The following NCOR1 variants were observed in gnomAD, a reference collection of about 807,000 sequenced individuals.
NCOR1 encodes protein phosphatase 1, regulatory subunit 109.
Under a neutral mutation model 288.1 loss-of-function variants are expected in NCOR1, and 63 were observed. The ratio of observed to expected loss-of-function variants is 0.22; its 90% CI spans 0.18 to 0.27. The LOEUF is 0.27. Among genes scored for constraint, NCOR1 ranks in the 10% least tolerant of loss-of-function variants. The pLI, the probability that NCOR1 is intolerant of heterozygous loss-of-function variation, is 1.00. For synonymous variants in NCOR1, 1,007 were observed against 1,065.9 expected (o/e 0.94, Z 1.08); for missense variants, 2,397 against 3,019.2 (o/e 0.79, Z 4.83).
intron 3 of NCOR1, among the ~76,000 whole-genome samples, chr17:16,173,123 T>C (rs2083429624): frequency 6.6e-6 from 1 of 152,098 alleles, no homozygotes; most frequent in Non-Finnish European, 1.5e-5. Context: ...GGTCTTGCTA[T>C]ATTGCCTAGG....
rs149006133 is a variant in NCOR1, at chr17:16,120,726, C to T, written c.1852+326G>A. ...CAGGGAAGAGGGCAGACAACCTAAT[C>T]ATTCAGCAATAAGAGAATGGTTAAA... On this transcript the variant is annotated intron_variant, in intron 16 of 45. Coordinates refer to ENST00000268712, the MANE Select transcript of NCOR1 (RefSeq NM_006311.4). Among the ~76,000 whole-genome samples, 1,029 of 152,132 alleles carry T rather than the reference C, an allele frequency of 6.8e-3. 5 individuals carry two copies. Among genetic ancestry groups the T allele is most frequent in the Non-Finnish European group, 0.01 (702 of 67,986 alleles).
intron 14 of NCOR1, among the ~76,000 whole-genome samples, chr17:16,132,917 C>CCTT (rs903038463): frequency 6.7e-6 from 1 of 150,230 alleles, no homozygotes; most frequent in Admixed American, 6.7e-5. Flanking sequence ...TCCCTCCCTT[C>CCTT]CTTCTTCTTC....
rs1555813813 is a variant in NCOR1, at chr17:16,199,216, A to ACACAC, written c.-70-4578_-70-4577insGTGTG. On this transcript the variant is annotated intron_variant, in intron 1 of 45. Coordinates refer to ENST00000268712, the MANE Select transcript of NCOR1 (RefSeq NM_006311.4). ...CCCAATACAGAAGGAAAAAAAAAAA[A>ACACAC]ACACACACACACACACACACACACA... Among the ~76,000 whole-genome samples the ACACAC allele has an allele frequency of 4.3e-3, 525 of 122,310 alleles. 4 individuals are homozygous for ACACAC. The highest frequency in any genetic ancestry group is 0.019 in the Admixed American group (226 of 11,650). The allele number at this position is 122,310 out of a possible 152,430, so 80.2% of individuals were successfully genotyped here.
intron 1 of NCOR1, among the ~76,000 whole-genome samples, chr17:16,198,936 C>T (rs1431563841): frequency 6.6e-6 from 1 of 151,860 alleles, no homozygotes; most frequent in Non-Finnish European, 1.5e-5. Flanking sequence ...CAATTTTTTT[C>T]TAACAGTGGC....
chr17:16,106,179 C>T (rs1420287531), intron 19 of NCOR1, among the ~76,000 whole-genome samples: 1 of 152,108 alleles, frequency 6.6e-6, no homozygotes, highest in East Asian at 1.9e-4. Context: ...CATTGAAAAG[C>T]TAACAAAAAG....
At chr17:16,088,246 G>C (rs8080706) in intron 22 of NCOR1, among the ~76,000 whole-genome samples, 69,977 of 151,698 alleles carry the variant, frequency 0.46, 16,989 homozygotes, top group Middle Eastern at 0.6. Flanking sequence ...TGAATAAACA[G>C]GTGATGATAT....
intron 3 of NCOR1, among the ~76,000 whole-genome samples, chr17:16,177,433 A>G (rs77444513): frequency 6.6e-5 from 10 of 152,130 alleles, no homozygotes; most frequent in African/African-American, 2.4e-4. Context: ...CATTTGTGCC[A>G]TTCCCCACCC....
At position 16,127,338 on chromosome 17, in the gene NCOR1, CATGTATGTATAT is replaced by C. The variant is rs1332581316; in HGVS notation, c.1510-1144_1510-1133del. Among the ~76,000 whole-genome samples, 232 of 36,226 alleles carry C rather than the reference CATGTATGTATAT, an allele frequency of 6.4e-3. 101 individuals are homozygous for C. The highest frequency in any genetic ancestry group is 0.018 in the African/African-American group (213 of 11,796). 23.8% of individuals were successfully genotyped at this position (36,226 alleles called of 152,430 possible). Reference sequence around the variant, plus strand: ...GTATGTATATATGTATGTATATATACATGTATGTATATATGTATGTATATATACATGTATGTA... The same window carrying C: ...GTATGTATATATGTATGTATATATACATGTATGTATATATACATGTATGTA... On this transcript the variant is annotated intron_variant, in intron 14 of 45. Transcript: ENST00000268712.
intron 5 of NCOR1, 48 bp downstream of exon 5, chr17:16,164,931 A>G: frequency 7.6e-7 from 1 of 1,312,154 alleles, no homozygotes; most frequent in Non-Finnish European, 1.0e-6. Context: ...TATCTACTGT[A>G]GGGAGACAAA....
chr17:16,077,519 G>GA (rs2062704832), intron 26 of NCOR1, among the ~76,000 whole-genome samples: 2 of 15,896 alleles, frequency 1.3e-4, no homozygotes, highest in Non-Finnish European at 2.8e-4. Flanking sequence ...AGAGGGGAGG[G>GA]GGGGAGGAGG....
intron 1 of NCOR1, among the ~76,000 whole-genome samples, chr17:16,213,252 G>C (rs2153629728): frequency 6.6e-6 from 1 of 152,044 alleles, no homozygotes; most frequent in Admixed American, 6.6e-5. Flanking sequence ...CAGCACTTTG[G>C]GAGGCCAAGG....
At chr17:16,045,319 A>G (rs1175116239) in intron 42 of NCOR1, among the ~76,000 whole-genome samples, 1 of 152,108 alleles carries the variant, frequency 6.6e-6, no homozygotes. Context: ...TACTTACTAG[A>G]TATGTAACCT....
At chr17:16,185,311 C>T (rs1290637944) in intron 3 of NCOR1, among the ~76,000 whole-genome samples, 1 of 152,110 alleles carries the variant, frequency 6.6e-6, no homozygotes, top group Non-Finnish European at 1.5e-5. Context: ...TGCTAATTTG[C>T]TTCACCATAG....
intron 41 of NCOR1, among the ~76,000 whole-genome samples, chr17:16,047,774 G>A (rs897843913): frequency 2.0e-5 from 3 of 152,108 alleles, no homozygotes; most frequent in African/African-American, 7.2e-5. Flanking sequence ...GAGACTATAG[G>A]TTATTGAAAA....
intron 21 of NCOR1, among the ~76,000 whole-genome samples, chr17:16,095,253 C>CA (rs2066220300): frequency 6.7e-6 from 1 of 150,324 alleles, no homozygotes; most frequent in Non-Finnish European, 1.5e-5. Context: ...TCGGCCCGGC[C>CA]GCGACCCCGT....
chr17:16,108,185 A>C (rs2069186054), intron 19 of NCOR1: 1 of 217,036 alleles, frequency 4.6e-6, no homozygotes, highest in Admixed American at 5.5e-5. Flanking sequence ...TTTCCAAAAA[A>C]AAAAAAAAAA....
chr17:16,114,143 CAAAAA>C (rs71353770), intron 18 of NCOR1, among the ~76,000 whole-genome samples: 2 of 17,708 alleles, frequency 1.1e-4, no homozygotes, highest in African/African-American at 3.8e-4. Context: ...TGGCGGCAGG[CAAAAA>C]AAAAAAAAAA....
intron 2 of NCOR1, among the ~76,000 whole-genome samples, chr17:16,190,211 T>TA (rs2087844271): frequency 6.6e-6 from 1 of 152,210 alleles, no homozygotes; most frequent in South Asian, 2.1e-4. Flanking sequence ...GCCTGGGTGA[T>TA]AGAGTGAAAC....
rs1463301702 is a variant in NCOR1 at position 16,126,047 on chromosome 17, A to G, written c.1634+35T>C. On this transcript the variant is annotated intron_variant, in intron 15 of 45. Transcript: ENST00000268712. Reference sequence around the variant, plus strand: ...AAATAAAAATAAAATAAAAATAAACATTTAACTTATTATATAACTAATTAT... The same window carrying G: ...AAATAAAAATAAAATAAAAATAAACGTTTAACTTATTATATAACTAATTAT... 5.0e-6 allele frequency: 5 copies of G among 1,009,724 alleles called. No individual in the cohort carries two copies. The Admixed American group carries it at 1.5e-4, about 31-fold the overall frequency. 62.5% of individuals were successfully genotyped at this position (1,009,724 alleles called of 1,614,324 possible).
Sources: allele counts gnomAD v4.1 joint callset (sites outside exome capture counted in the v4.1 genomes callset), GRCh38; gene constraint gnomAD v4.1.1; transcripts MANE v1.5; gene names NCBI Gene and HGNC (gene_info 2026-07-23, HGNC 2026-07-21).